ZFPM2: variants seen among roughly 807,000 people sequenced by gnomAD.
The protein encoded by ZFPM2 is zinc finger protein, FOG family member 2.
ZFPM2 carries 20 observed loss-of-function variants against 98.6 expected under a neutral mutation model. The observed-to-expected ratio is 0.20, with a 90% CI of 0.14 to 0.29. ZFPM2 has a LOEUF of 0.29. ZFPM2 is among the 10% of genes least tolerant of loss of function. The pLI, the probability that ZFPM2 is intolerant of heterozygous loss-of-function variation, is 1.00. For missense variants in ZFPM2, 1,310 were observed against 1,388.6 expected (o/e 0.94, Z 0.90); for synonymous variants, 518 against 502.7 (o/e 1.03, Z -0.41).
Position 105,574,543 on chromosome 8 carries a change from C to A in ZFPM2, c.420+13062C>A, listed in dbSNP as rs186123400. Among the ~76,000 whole-genome samples, 243 of 152,214 alleles carry A rather than the reference C, an allele frequency of 1.6e-3. 1 individual carries two copies. Among genetic ancestry groups the A allele is most frequent in the Non-Finnish European group, 2.0e-3 (137 of 68,038 alleles). ...AACTCAATTCTTTCATTATTTATGG[C>A]ATTTTAGAGCTCCATACAGAATGGA... On this transcript the variant is annotated intron_variant, in intron 4 of 7. Transcript: ENST00000407775.
chr8:105,376,100 C>G (rs750251504), intron 1 of ZFPM2, among the ~76,000 whole-genome samples: 5 of 152,146 alleles, frequency 3.3e-5, no homozygotes, highest in Non-Finnish European at 7.4e-5. Context: ...CAGCACTCCC[C>G]TAACAGAGCT....
At chr8:105,392,316 T>G (rs960310256) in intron 1 of ZFPM2, among the ~76,000 whole-genome samples, 6 of 152,250 alleles carry the variant, frequency 3.9e-5, no homozygotes, top group Admixed American at 1.3e-4. Flanking sequence ...TGCTTTTATC[T>G]ATTCATTTAA....
intron 5 of ZFPM2, among the ~76,000 whole-genome samples, chr8:105,777,207 A>C (rs548472853): frequency 6.6e-6 from 1 of 152,312 alleles, no homozygotes; most frequent in African/African-American, 2.4e-5. Flanking sequence ...TAAGCAATTA[A>C]ATGTTCTATT....
intron 1 of ZFPM2, among the ~76,000 whole-genome samples, chr8:105,385,644 G>A (rs1810972851): frequency 6.6e-6 from 1 of 152,170 alleles, no homozygotes; most frequent in Admixed American, 6.5e-5. Context: ...GTAAATACAT[G>A]CAAATATTAT....
chr8:105,454,977 T>C lies in ZFPM2; in HGVS notation c.301+10596T>C, dbSNP rs148760563. ...TTTCTGTTCTAAACCTGGAGTGAGCTGTTTCTCCAAGGATCGTGGGTTACT... is the reference window on the plus strand; with the variant it reads ...TTTCTGTTCTAAACCTGGAGTGAGCCGTTTCTCCAAGGATCGTGGGTTACT... On this transcript the variant is annotated intron_variant, in intron 3 of 7. Transcript: ENST00000407775. Among the ~76,000 whole-genome samples, 649 of 152,292 alleles carry C rather than the reference T, an allele frequency of 4.3e-3. 2 individuals carry two copies. Among genetic ancestry groups the C allele is most frequent in the Middle Eastern group, 0.041 (12 of 294 alleles).
intron 2 of ZFPM2, among the ~76,000 whole-genome samples, chr8:105,429,847 A>G (rs1811985562): frequency 6.6e-6 from 1 of 152,222 alleles, no homozygotes; most frequent in Non-Finnish European, 1.5e-5. Context: ...AAAGGAATGC[A>G]TATTGAAAAA....
chr8:105,501,387 G>A (rs1226549374), intron 3 of ZFPM2, among the ~76,000 whole-genome samples: 5 of 151,786 alleles, frequency 3.3e-5, no homozygotes, highest in Admixed American at 2.0e-4. Context: ...GTTTCACCAT[G>A]TTGGCCAGGC....
chr8:105,633,881 T>C (rs1816797077), intron 4 of ZFPM2, among the ~76,000 whole-genome samples: 1 of 152,178 alleles, frequency 6.6e-6, no homozygotes, highest in Admixed American at 6.6e-5. Context: ...ATCCTGTTGA[T>C]AGTAAAGTAC....
Position 105,619,962 on chromosome 8 carries a change from T to C in ZFPM2, c.421-14284T>C, listed in dbSNP as rs7465017. Among the ~76,000 whole-genome samples the C allele has an allele frequency of 4.5e-3, 683 of 152,322 alleles. 4 individuals are homozygous for C. Among genetic ancestry groups the C allele is most frequent in the African/African-American group, 0.016 (655 of 41,574 alleles). On this transcript the variant is annotated intron_variant, in intron 4 of 7. Coordinates refer to ENST00000407775, the MANE Select transcript of ZFPM2 (RefSeq NM_012082.4). ...GACATTTGGGTTGGCTCCAAGTCTT[T>C]GGTCTTGTGAATAGTGCTGCAATAA...
chr8:105,643,016 C>T (rs1816976499), intron 5 of ZFPM2, among the ~76,000 whole-genome samples: 2 of 152,068 alleles, frequency 1.3e-5, no homozygotes. Context: ...TTCCTGAGAG[C>T]CATGTTATGG....
chr8:105,796,126 T>G (rs1813803024), intron 6 of ZFPM2, among the ~76,000 whole-genome samples: 1 of 152,216 alleles, frequency 6.6e-6, no homozygotes. Flanking sequence ...TCTAAGCTAG[T>G]ATTATTGGAT....
chr8:105,683,762 G>A (rs1810667741), intron 5 of ZFPM2, among the ~76,000 whole-genome samples: 1 of 152,108 alleles, frequency 6.6e-6, no homozygotes, highest in Non-Finnish European at 1.5e-5. Flanking sequence ...GGTTGAATTA[G>A]AAACTCTTTC....
chr8:105,534,001 T>TTCCCTCCCTCTC (rs1814368543), intron 3 of ZFPM2, among the ~76,000 whole-genome samples: 1 of 30,396 alleles, frequency 3.3e-5, no homozygotes, highest in African/African-American at 1.9e-4. Context: ...CCCTCTCTCC[T>TTCCCTCCCTCTC]TCCTTCCTTC....
intron 4 of ZFPM2, among the ~76,000 whole-genome samples, chr8:105,596,725 G>C (rs1815977836): frequency 6.8e-6 from 1 of 146,366 alleles, no homozygotes; most frequent in African/African-American, 2.5e-5. Flanking sequence ...TCTGGGTAAG[G>C]CTGCCTTTGT....
intron 3 of ZFPM2, among the ~76,000 whole-genome samples, chr8:105,484,462 A>G (rs1325126763): frequency 1.3e-5 from 2 of 151,992 alleles, no homozygotes; most frequent in Admixed American, 6.6e-5. Context: ...ACCCTTATGG[A>G]TGTTTTCATT....
chr8:105,416,973 T>A (rs1055041718), intron 1 of ZFPM2, among the ~76,000 whole-genome samples: 1 of 152,164 alleles, frequency 6.6e-6, no homozygotes, highest in Admixed American at 6.6e-5. Context: ...AAGAGTGGTT[T>A]GCATAGTAGT....
intron 6 of ZFPM2, among the ~76,000 whole-genome samples, chr8:105,791,841 T>G (rs1484333436): frequency 1.3e-5 from 2 of 152,322 alleles, no homozygotes; most frequent in African/African-American, 4.8e-5. Context: ...GTCGAGGAAT[T>G]TATCCATTTC....
At chr8:105,456,146 GT>G (rs200639878) in intron 3 of ZFPM2, among the ~76,000 whole-genome samples, 2,721 of 93,356 alleles carry the variant, frequency 0.029, 126 homozygotes, top group African/African-American at 0.085. Flanking sequence ...CCAGGAAAAT[GT>G]TTTTTTTTGT....
At chr8:105,537,151 TAG>T (rs1257836694) in intron 3 of ZFPM2, among the ~76,000 whole-genome samples, 4 of 152,150 alleles carry the variant, frequency 2.6e-5, no homozygotes. Flanking sequence ...GCATTGTAAT[TAG>T]AGTCTTAATC....
Sources: allele counts gnomAD v4.1 joint callset (sites outside exome capture counted in the v4.1 genomes callset), GRCh38; gene constraint gnomAD v4.1.1; transcripts MANE v1.5; gene names NCBI Gene and HGNC (gene_info 2026-07-23, HGNC 2026-07-21).